The following ZNF791 variants were observed in gnomAD, a reference collection of about 807,000 sequenced individuals.
ZNF791 encodes the protein zinc finger protein 791.
A neutral mutation model predicts 11.5 loss-of-function variants in ZNF791; 4 were observed. That is an observed-to-expected ratio of 0.35 (90% CI 0.17 to 0.80). The LOEUF (loss-of-function observed/expected upper bound fraction) is 0.80. ZNF791 is among the 30% of genes least tolerant of loss of function. The pLI is 0.53. For missense variants in ZNF791, 559 were observed against 699.4 expected (o/e 0.80, Z 2.26); for synonymous variants, 212 against 228.1 (o/e 0.93, Z 0.64).
Position 12,627,988 on chromosome 19 carries a change from TCA to T in ZNF791, c.463_464del (p.Thr155TrpfsTer6). On this transcript the variant is annotated frameshift_variant, in exon 4 of 4. Coordinates refer to ENST00000343325, the MANE Select transcript of ZNF791 (RefSeq NM_153358.3). LOFTEE classifies it low-confidence loss of function (END_TRUNC). ...LKSFQRHERS[H>X]TGEKPYKCKQ... ...AATCCTTTCAAAGACATGAAAGGAG[TCA>T]CACTGGAGAAAAACCCTATAAATGT... is the stretch of plus-strand genomic sequence containing the variant. 6.2e-7 allele frequency: 1 copy of T among 1,613,868 alleles called. No homozygotes were observed.
chr19:12,612,529 CCT>C (rs2023174851), intron 1 of ZNF791: 1 of 150,672 alleles, frequency 6.6e-6, no homozygotes, highest in South Asian at 2.1e-4. Context: ...GCAACCTCTG[CCT>C]CTCGGGTTCA....
At chr19:12,622,224 G>A (rs1351739536) in intron 1 of ZNF791, among the ~76,000 whole-genome samples, 2 of 138,760 alleles carry the variant, frequency 1.4e-5, no homozygotes, top group Non-Finnish European at 1.6e-5. Context: ...GCGGAAGGCC[G>A]CAGGGTCCTC....
intron 1 of ZNF791, among the ~76,000 whole-genome samples, chr19:12,611,285 G>T (rs2023152016): frequency 6.6e-6 from 1 of 152,234 alleles, no homozygotes; most frequent in African/African-American, 2.4e-5. Flanking sequence ...GTCTTTCCCA[G>T]ATCGTGCAGG....
At position 12,624,850 on chromosome 19, in the gene ZNF791, C is replaced by T. The variant is rs1027940191; in HGVS notation, c.191+140C>T. ...GGATCATGAGGTCAGGAGTTCAAGACCAGCCTGGCCAACATGATGAAACCC... is the reference window on the plus strand; with the variant it reads ...GGATCATGAGGTCAGGAGTTCAAGATCAGCCTGGCCAACATGATGAAACCC... On this transcript the variant is annotated intron_variant, in intron 3 of 3. Transcript: ENST00000343325. The T allele has an allele frequency of 1.1e-5, 5 of 462,970 alleles. No homozygotes were observed. In the Admixed American group the frequency reaches 2.1e-4, roughly 19 times the overall value. The allele number at this position is 462,970 out of a possible 1,614,324, so 28.7% of individuals were successfully genotyped here.
chr19:12,623,855 C>A (rs113272212), intron 2 of ZNF791, 29 bp downstream of exon 2: 31 of 510,012 alleles, frequency 6.1e-5, no homozygotes, highest in South Asian at 2.3e-4. Flanking sequence ...TTTCTTTTTT[C>A]TTTTTTTTTT....
intron 1 of ZNF791, among the ~76,000 whole-genome samples, chr19:12,618,418 G>A (rs923177625): frequency 1.3e-5 from 2 of 152,128 alleles, no homozygotes; most frequent in Non-Finnish European, 2.9e-5. Flanking sequence ...GTCTGAGGCG[G>A]GAAGATTGCT....
Position 12,631,926 on chromosome 19 carries a change from T to G in ZNF791, c.*2666T>G, listed in dbSNP as rs2023506107. On this transcript the variant is annotated 3_prime_UTR_variant, in exon 4 of 4. Transcript: ENST00000343325. ...TAAATCAGTTAGTAAAACTTTTCTC[T>G]TTCTCTTGATGTCTTGATTCATGAG... The G allele has an allele frequency of 6.6e-6, 1 of 152,168 alleles. No individual in the cohort carries two copies. The highest frequency in any genetic ancestry group is 2.1e-4 in the South Asian group (1 of 4,834). 9.4% of individuals were successfully genotyped at this position (152,168 alleles called of 1,614,324 possible).
intron 1 of ZNF791, among the ~76,000 whole-genome samples, chr19:12,621,714 C>CGGGGGGG (rs1028468268): frequency 3.3e-4 from 25 of 74,882 alleles, no homozygotes; most frequent in Admixed American, 5.7e-4. Context: ...ACCTCCACCT[C>CGGGGGGG]GGTGGGGGGT....
Position 12,628,810 on chromosome 19 carries a change from T to G in ZNF791, c.1281T>G (p.Phe427Leu). The change falls in exon 4 of 4, where the codon TTT becomes TTG. Residue 427 changes from phenylalanine to leucine, a missense_variant. Transcript: ENST00000343325. ...AAACCTTCATTTCTCTTGAGAACTT[T>G]CGAAGACACATGATCACCCACACTG... ...CAKTFISLEN[F>L]RRHMITHTGD... 1 of 1,614,134 alleles carries G rather than the reference T, an allele frequency of 6.2e-7. No individual in the cohort carries two copies. Among genetic ancestry groups the G allele is most frequent in the Non-Finnish European group, 8.5e-7 (1 of 1,180,026 alleles).
At chr19:12,625,622 T>C (rs2023414376) in intron 3 of ZNF791, among the ~76,000 whole-genome samples, 1 of 148,764 alleles carries the variant, frequency 6.7e-6, no homozygotes, top group African/African-American at 2.5e-5. Context: ...CTGTCTCTAC[T>C]AAAAATACAA....
At position 12,628,534 on chromosome 19, in the gene ZNF791, A is replaced by C. The variant is rs1221376647; in HGVS notation, c.1005A>C (p.Lys335Asn). ...EKPYKCKECG[K>N]SFSARPAFRV... Reference sequence around the variant, plus strand: ...CCTATAAATGTAAAGAATGTGGGAAATCTTTCAGTGCACGCCCAGCCTTTC... The same window carrying C: ...CCTATAAATGTAAAGAATGTGGGAACTCTTTCAGTGCACGCCCAGCCTTTC... The change falls in exon 4 of 4, where the codon AAA becomes AAC. Residue 335 changes from lysine (K) to asparagine (N), a missense_variant. Transcript: ENST00000343325. 1 of 1,606,506 alleles carries C rather than the reference A, an allele frequency of 6.2e-7. No individual in the cohort carries two copies. The highest frequency in any genetic ancestry group is 1.7e-5 in the Admixed American group (1 of 58,382).
chr19:12,621,362 C>T (rs975745920), intron 1 of ZNF791, among the ~76,000 whole-genome samples: 27 of 152,040 alleles, frequency 1.8e-4, no homozygotes, highest in African/African-American at 6.5e-4. Flanking sequence ...TGTGCCTGAG[C>T]TGTCTTCCCA....
chr19:12,621,232 C>T (rs1024559273), intron 1 of ZNF791, among the ~76,000 whole-genome samples: 1 of 152,116 alleles, frequency 6.6e-6, no homozygotes, highest in African/African-American at 2.4e-5. Flanking sequence ...CCAGAAAGTG[C>T]TCTTCTGACA....
At chr19:12,627,233 A>G (rs778786151) in intron 3 of ZNF791, among the ~76,000 whole-genome samples, 14 of 152,272 alleles carry the variant, frequency 9.2e-5, no homozygotes, top group Non-Finnish European at 1.8e-4. Context: ...TGTTTTGATA[A>G]TAGCTATCAG....
At chr19:12,624,743 C>T (rs1213308460) in intron 3 of ZNF791, 33 bp downstream of exon 3, 3 of 1,552,838 alleles carry the variant, frequency 1.9e-6, no homozygotes, top group African/African-American at 2.8e-5. Context: ...AACAGTGTTC[C>T]TTGAAAGAAT....
chr19:12,616,699 AG>A (rs1373864564), intron 1 of ZNF791, among the ~76,000 whole-genome samples: 2 of 152,226 alleles, frequency 1.3e-5, no homozygotes, highest in Non-Finnish European at 2.9e-5. Context: ...TCAAAAAAAA[AG>A]AAAAACAAAA....
intron 3 of ZNF791, among the ~76,000 whole-genome samples, chr19:12,625,431 A>G (rs1452247813): frequency 6.6e-6 from 1 of 151,936 alleles, no homozygotes; most frequent in Non-Finnish European, 1.5e-5. Context: ...TTTATTTATT[A>G]TCAGAAAATG....
At chr19:12,618,210 G>A (rs990973008) in intron 1 of ZNF791, among the ~76,000 whole-genome samples, 9 of 151,976 alleles carry the variant, frequency 5.9e-5, no homozygotes, top group East Asian at 5.8e-4. Context: ...GAGCCACCAC[G>A]TCCACCAACC....
intron 1 of ZNF791, among the ~76,000 whole-genome samples, chr19:12,622,061 CTG>C (rs2023358218): frequency 7.3e-6 from 1 of 136,076 alleles, no homozygotes; most frequent in African/African-American, 2.6e-5. Context: ...ACCCCCAACC[CTG>C]TGCTCTCTGA....
Sources: gnomAD v4.1 joint callset for allele counts (sites outside exome capture counted in the v4.1 genomes callset) on GRCh38, gnomAD v4.1.1 for gene constraint, MANE v1.5 for transcripts, NCBI Gene and HGNC (gene_info 2026-07-23, HGNC 2026-07-21) for gene names.